CNTNAP2: variants seen among roughly 807,000 people sequenced by gnomAD.
CNTNAP2 encodes contactin-associated protein-like 2.
In CNTNAP2, 98 loss-of-function variants were observed where a neutral mutation model predicts 155.2. That is an observed-to-expected ratio of 0.63 (90% CI 0.54 to 0.75). The LOEUF (loss-of-function observed/expected upper bound fraction) is 0.75, where lower values mean the gene tolerates loss of function less well. Among genes scored for constraint, CNTNAP2 ranks in the 30% least tolerant of loss-of-function variants. The pLI, the probability that CNTNAP2 is intolerant of heterozygous loss-of-function variation, is 0.00. For synonymous variants in CNTNAP2, 651 were observed against 631.2 expected (o/e 1.03, Z -0.47); for missense variants, 1,727 against 1,688.1 (o/e 1.02, Z -0.40).
intron 17 of CNTNAP2, among the ~76,000 whole-genome samples, chr7:148,150,845 G>A (rs1449404623): frequency 6.6e-6 from 1 of 151,936 alleles, no homozygotes; most frequent in African/African-American, 2.4e-5. Context: ...CCAGGCTCAA[G>A]GGATCCTCCC....
In CNTNAP2 at chr7:148,147,504, GT is replaced by G; in HGVS notation, c.2569del (p.Ser857ProfsTer11). Reference protein sequence around the residue: ...KLELKSATEVSFSFDVGNGPV... With the variant: ...KLELKSATEVXFSFDVGNGPV... ...CTGCTCCTCCAGCTGCCACAGAAGTGTCCTTTTCATTTGATGTGGGAAATGG... is the reference window on the plus strand; with the variant it reads ...CTGCTCCTCCAGCTGCCACAGAAGTGCCTTTTCATTTGATGTGGGAAATGG... On this transcript the variant is annotated frameshift_variant, in exon 17 of 24. Coordinates refer to ENST00000361727, the MANE Select transcript of CNTNAP2 (RefSeq NM_014141.6). LOFTEE classifies it high-confidence loss of function. 4.3e-6 allele frequency: 7 copies of G among 1,614,110 alleles called. No individual in the cohort carries two copies. The highest frequency in any genetic ancestry group is 5.9e-6 in the Non-Finnish European group (7 of 1,180,012).
intron 3 of CNTNAP2, among the ~76,000 whole-genome samples, chr7:147,020,986 C>A (rs920105543): frequency 1.8e-4 from 28 of 152,062 alleles, no homozygotes; most frequent in African/African-American, 5.6e-4. Context: ...AATGAGGCAA[C>A]CCAGTACCCG....
chr7:147,814,954 A>G (rs1798241988), intron 13 of CNTNAP2, among the ~76,000 whole-genome samples: 1 of 152,204 alleles, frequency 6.6e-6, no homozygotes, highest in Non-Finnish European at 1.5e-5. Flanking sequence ...AAAATAATGA[A>G]CAAAATAATA....
intron 2 of CNTNAP2, among the ~76,000 whole-genome samples, chr7:146,837,704 T>C (rs1409766640): frequency 1.3e-5 from 2 of 152,198 alleles, no homozygotes; most frequent in African/African-American, 4.8e-5. Context: ...TCAAGTTTTG[T>C]TCCATCAAAA....
chr7:147,062,188 A>T (rs373230144), intron 4 of CNTNAP2, among the ~76,000 whole-genome samples: 16 of 146,388 alleles, frequency 1.1e-4, no homozygotes, highest in African/African-American at 4.1e-4. Context: ...TTTATGATAT[A>T]TATAAAATTA....
chr7:146,438,473 A>T (rs184079068), intron 1 of CNTNAP2, among the ~76,000 whole-genome samples: 2 of 151,376 alleles, frequency 1.3e-5, no homozygotes, highest in African/African-American at 4.9e-5. Flanking sequence ...CTTTGCCCAA[A>T]TATTACCTTC....
chr7:148,271,196 C>T (rs1005460052), intron 21 of CNTNAP2, among the ~76,000 whole-genome samples: 1 of 152,176 alleles, frequency 6.6e-6, no homozygotes, highest in Non-Finnish European at 1.5e-5. Flanking sequence ...ACACCACAGA[C>T]CATTGTTACC....
chr7:148,123,673 AAGGAAG>A (rs1804651024), intron 16 of CNTNAP2, among the ~76,000 whole-genome samples: 2 of 151,276 alleles, frequency 1.3e-5, no homozygotes, highest in South Asian at 4.2e-4. Flanking sequence ...GGAAGGAAGG[AAGGAAG>A]GAAGGAAAAA....
At position 148,323,790 on chromosome 7, in the gene CNTNAP2, G is replaced by A. The variant is rs147530440; in HGVS notation, c.3475+56664G>A. ...CTGGAACTGTGAAGAGGGAGGAGGC[G>A]TGAAGAGGCACTCCCCTCTCTGCTG... is the stretch of plus-strand genomic sequence containing the variant. On this transcript the variant is annotated intron_variant, in intron 21 of 23. Coordinates refer to ENST00000361727, the MANE Select transcript of CNTNAP2 (RefSeq NM_014141.6). Among the ~76,000 whole-genome samples the A allele has an allele frequency of 4.0e-3, 614 of 152,170 alleles. 9 individuals carry two copies. The highest frequency in any genetic ancestry group is 0.014 in the African/African-American group (563 of 41,516).
At chr7:146,701,766 T>A (rs1318360549) in intron 1 of CNTNAP2, among the ~76,000 whole-genome samples, 1 of 152,094 alleles carries the variant, frequency 6.6e-6, no homozygotes, top group African/African-American at 2.4e-5. Context: ...ATTGAGAAAT[T>A]TGCAGATTTT....
intron 1 of CNTNAP2, among the ~76,000 whole-genome samples, chr7:146,460,358 G>A (rs1796618695): frequency 6.7e-6 from 1 of 148,826 alleles, no homozygotes; most frequent in South Asian, 2.1e-4. Context: ...TTATAAAAAA[G>A]ACAGTATGAA....
chr7:148,330,560 G>C (rs1211349472), intron 21 of CNTNAP2, among the ~76,000 whole-genome samples: 1 of 132,422 alleles, frequency 7.6e-6, no homozygotes, highest in Non-Finnish European at 1.6e-5. Context: ...CGGATGGATA[G>C]AGTGGATGGA....
Position 146,314,341 on chromosome 7 carries a change from C to G in CNTNAP2, c.97+197368C>G, listed in dbSNP as rs145670856. Among the ~76,000 whole-genome samples the G allele has an allele frequency of 2.4e-3, 363 of 152,254 alleles. 1 individual carries two copies. Among genetic ancestry groups the G allele is most frequent in the African/African-American group, 8.2e-3 (341 of 41,542 alleles). On this transcript the variant is annotated intron_variant, in intron 1 of 23. Transcript: ENST00000361727. Reference sequence around the variant, plus strand: ...ATGGGAGAGTATCAAGTTGTGCTATCGCCTTGAGAGACATTTGATAGAAGC... The same window carrying G: ...ATGGGAGAGTATCAAGTTGTGCTATGGCCTTGAGAGACATTTGATAGAAGC...
intron 1 of CNTNAP2, among the ~76,000 whole-genome samples, chr7:146,573,059 CT>C (rs1384657968): frequency 6.6e-6 from 1 of 152,134 alleles, no homozygotes. Flanking sequence ...TGTTATGCGT[CT>C]CTTTGGGTCC....
chr7:146,295,602 A>G (rs2129087358), intron 1 of CNTNAP2, among the ~76,000 whole-genome samples: 1 of 152,240 alleles, frequency 6.6e-6, no homozygotes, highest in Middle Eastern at 3.4e-3. Flanking sequence ...TCTTGCTAAT[A>G]AAAGAAAAAA....
intron 2 of CNTNAP2, among the ~76,000 whole-genome samples, chr7:146,802,901 T>C (rs998446605): frequency 1.2e-4 from 18 of 152,114 alleles, no homozygotes; most frequent in African/African-American, 4.1e-4. Flanking sequence ...TGGAAGAGGA[T>C]TGAAGTAAGA....
At chr7:147,092,765 CA>C (rs1800433777) in intron 4 of CNTNAP2, among the ~76,000 whole-genome samples, 1 of 152,096 alleles carries the variant, frequency 6.6e-6, no homozygotes, top group African/African-American at 2.4e-5. Flanking sequence ...CTCTGTACTA[CA>C]AAAACTAAAC....
At chr7:146,619,594 A>G (rs911312366) in intron 1 of CNTNAP2, among the ~76,000 whole-genome samples, 4 of 152,188 alleles carry the variant, frequency 2.6e-5, no homozygotes, top group Admixed American at 6.5e-5. Context: ...TTTATATGAC[A>G]TAATTTGATA....
At chr7:147,974,136 A>T (rs140059617) in intron 14 of CNTNAP2, among the ~76,000 whole-genome samples, 23 of 152,204 alleles carry the variant, frequency 1.5e-4, no homozygotes, top group African/African-American at 5.5e-4. Flanking sequence ...ACACTTAAAA[A>T]TTATATTTCC....
Sources: allele counts gnomAD v4.1 joint callset (sites outside exome capture counted in the v4.1 genomes callset), GRCh38; gene constraint gnomAD v4.1.1; transcripts MANE v1.5; gene names NCBI Gene and HGNC (gene_info 2026-07-23, HGNC 2026-07-21).